FBLN7: variants seen among roughly 807,000 people sequenced by gnomAD.
FBLN7 encodes fibulin 7.
Under a neutral mutation model 44.0 loss-of-function variants are expected in FBLN7, and 31 were observed. That is an observed-to-expected ratio of 0.70 (90% CI 0.53 to 0.95). The LOEUF is 0.95. Ranked by LOEUF, FBLN7 falls within the 40% of genes least tolerant of loss-of-function variation. The probability of loss-of-function intolerance (pLI) is 0.00; values close to 1 mark genes in which losing one functional copy is unlikely to be tolerated. For synonymous variants in FBLN7, 262 were observed against 253.4 expected, an observed-to-expected ratio of 1.03 and a Z score of -0.32; for missense variants, 573 against 618.5, an observed-to-expected ratio of 0.93 and a Z score of 0.78.
chr2:112,166,518 C>G (rs1162113946), intron 3 of FBLN7, among the ~76,000 whole-genome samples: 4 of 152,008 alleles, frequency 2.6e-5, no homozygotes, highest in Non-Finnish European at 5.9e-5. Flanking sequence ...GATGATGGTT[C>G]AAAGGTTGAT....
intron 1 of FBLN7, among the ~76,000 whole-genome samples, chr2:112,157,546 A>T (rs560009300): frequency 1.3e-5 from 2 of 152,012 alleles, no homozygotes; most frequent in Non-Finnish European, 2.9e-5. Flanking sequence ...TGCTTGCTCC[A>T]CAAGGCCGAG....
the FBLN7 span, among the ~76,000 whole-genome samples, chr2:112,223,264 AAAG>A: frequency 6.6e-6 from 1 of 152,214 alleles, no homozygotes. Context: ...TAATTTAAAA[AAAG>A]AAAAAAAAAG....
chr2:112,203,926 A>G, the FBLN7 span, among the ~76,000 whole-genome samples: 1 of 152,218 alleles, frequency 6.6e-6, no homozygotes, highest in Non-Finnish European at 1.5e-5. Context: ...ATCTCCCACC[A>G]GCTCCCTCCC....
the FBLN7 span, among the ~76,000 whole-genome samples, chr2:112,234,584 T>TG: frequency 3.9e-5 from 6 of 152,120 alleles, no homozygotes; most frequent in African/African-American, 1.4e-4. Flanking sequence ...GTGGACCACT[T>TG]GAGGTCAGGA....
At chr2:112,161,556 G>C (rs1046665649) in intron 2 of FBLN7, among the ~76,000 whole-genome samples, 5 of 152,148 alleles carry the variant, frequency 3.3e-5, no homozygotes, top group Non-Finnish European at 5.9e-5. Context: ...AGCGGTCAAG[G>C]CCTGACTCCA....
chr2:112,220,309 C>T, the FBLN7 span, among the ~76,000 whole-genome samples: 22 of 152,172 alleles, frequency 1.4e-4, no homozygotes, highest in African/African-American at 4.8e-4. Flanking sequence ...TCCCATATTT[C>T]GCACTCCCTT....
At chr2:112,155,311 C>T (rs1214722223) in intron 1 of FBLN7, among the ~76,000 whole-genome samples, 2 of 152,184 alleles carry the variant, frequency 1.3e-5, no homozygotes, top group African/African-American at 4.8e-5. Flanking sequence ...TGTGCCTATA[C>T]CAACTCAGGT....
intron 1 of FBLN7, among the ~76,000 whole-genome samples, chr2:112,142,395 G>T (rs1331099007): frequency 6.6e-6 from 1 of 152,172 alleles, no homozygotes; most frequent in African/African-American, 2.4e-5. Context: ...TTTATTGTCT[G>T]TATTCCCACT....
chr2:112,162,042 A>G (rs115331058), intron 2 of FBLN7, among the ~76,000 whole-genome samples: 4,556 of 152,310 alleles, frequency 0.03, 94 homozygotes, highest in Middle Eastern at 0.051. Flanking sequence ...TAAAAGAGAG[A>G]CAAGGTCTCG....
chr2:112,232,049 C>G, the FBLN7 span: 374 of 607,948 alleles, frequency 6.2e-4, 1 homozygote, highest in Non-Finnish European at 8.7e-4. Flanking sequence ...TGTGGCCGGG[C>G]GAGGTGGCTC....
chr2:112,164,960 C>A, intron 2 of FBLN7, 41 bp from the exon 3 acceptor site: 1 of 1,601,030 alleles, frequency 6.2e-7, no homozygotes, highest in South Asian at 1.1e-5. Context: ...GGGCTGTGGT[C>A]CAGGATGAGG....
At chr2:112,239,053 T>C in the FBLN7 span, among the ~76,000 whole-genome samples, 2 of 152,230 alleles carry the variant, frequency 1.3e-5, no homozygotes, top group Non-Finnish European at 2.9e-5. Context: ...ACAGAAGTGG[T>C]AGCAGCAATG....
chr2:112,178,269 C>CAA (rs60515148), intron 4 of FBLN7, among the ~76,000 whole-genome samples: 9 of 144,280 alleles, frequency 6.2e-5, no homozygotes, highest in East Asian at 2.0e-4. Flanking sequence ...AAAAAAAAAA[C>CAA]CAAAAGAAAA....
chr2:112,160,416 T>C (rs902775455), intron 2 of FBLN7, among the ~76,000 whole-genome samples: 1 of 152,226 alleles, frequency 6.6e-6, no homozygotes, highest in South Asian at 2.1e-4. Flanking sequence ...AGCCTTTTCA[T>C]TCTGGCCTTA....
At chr2:112,165,779 G>T (rs1682122715) in intron 3 of FBLN7, among the ~76,000 whole-genome samples, 2 of 152,168 alleles carry the variant, frequency 1.3e-5, no homozygotes, top group African/African-American at 4.8e-5. Context: ...GTGTCGGGGA[G>T]GCATGAGAAG....
At chr2:112,203,049 C>A in the FBLN7 span, among the ~76,000 whole-genome samples, 1 of 151,884 alleles carries the variant, frequency 6.6e-6, no homozygotes, top group African/African-American at 2.4e-5. Flanking sequence ...AACAAACAAA[C>A]AAAAAAACAA....
At chr2:112,200,275 A>T in the FBLN7 span, among the ~76,000 whole-genome samples, 1 of 152,172 alleles carries the variant, frequency 6.6e-6, no homozygotes, top group African/African-American at 2.4e-5. Context: ...CAAGCTTGGA[A>T]ATAACAAAGG....
At chr2:112,221,350 A>ACT in the FBLN7 span, among the ~76,000 whole-genome samples, 2,483 of 150,394 alleles carry the variant, frequency 0.017, 68 homozygotes, top group African/African-American at 0.057. Context: ...GCTCCTCCCC[A>ACT]CTCTCTCTCT....
At chr2:112,240,952 AGTGTGTGTGTGTGTGTGTGTGTGT>A in the FBLN7 span, among the ~76,000 whole-genome samples, 6 of 142,604 alleles carry the variant, frequency 4.2e-5, no homozygotes, top group Non-Finnish European at 9.1e-5. Flanking sequence ...TACAGGTAAC[AGTGTGTGTGTGTGTGTGTGTGTGT>A]GTGTGTGTGC....
Sources: gnomAD v4.1 joint callset for allele counts (sites outside exome capture counted in the v4.1 genomes callset) on GRCh38, gnomAD v4.1.1 for gene constraint, MANE v1.5 for transcripts, NCBI Gene and HGNC (gene_info 2026-07-23, HGNC 2026-07-21) for gene names.